The following SWAP70 variants were observed in gnomAD, a reference collection of about 807,000 sequenced individuals.
The protein encoded by SWAP70 is switch-associated protein 70.
A neutral mutation model predicts 80.2 loss-of-function variants in SWAP70; 34 were observed. That is an observed-to-expected ratio of 0.42 (90% CI 0.32 to 0.56). The LOEUF (loss-of-function observed/expected upper bound fraction) is 0.56, where lower values mean the gene tolerates loss of function less well. Ranked by LOEUF, SWAP70 falls within the 20% of genes least tolerant of loss-of-function variation. The pLI is 0.09. For synonymous variants in SWAP70, 239 were observed against 238.5 expected (o/e 1.00, Z -0.02); for missense variants, 578 against 690.7 (o/e 0.84, Z 1.83).
Position 9,711,889 on chromosome 11 carries a change from G to T in SWAP70, c.241-1577G>T, listed in dbSNP as rs372831216. ...ACTTGCACTTACACGAAGAGCCTTAGTTATACCACCCTCCAGCACCAGGTG... is the reference window on the plus strand; with the variant it reads ...ACTTGCACTTACACGAAGAGCCTTATTTATACCACCCTCCAGCACCAGGTG... On this transcript the variant is annotated intron_variant, in intron 2 of 11. Transcript: ENST00000318950. 1.4e-4 allele frequency among the ~76,000 whole-genome samples: 21 copies of T among 152,248 alleles called. No individual in the cohort carries two copies. In the East Asian group the frequency reaches 2.5e-3, roughly 18 times the overall value.
In SWAP70 at chr11:9,724,932, AT is replaced by A. The variant is rs762998995; in HGVS notation, c.642+51del. ...TTTTTTCTCATCTTTAGAATTTGAC[AT>A]TTTAAAATTAATATTTTTGTCACAA... is the stretch of plus-strand genomic sequence containing the variant. On this transcript the variant is annotated intron_variant, in intron 4 of 11. Transcript: ENST00000318950. The A allele has an allele frequency of 8.3e-5, 104 of 1,256,382 alleles. 1 individual carries two copies. The Middle Eastern group carries it at 3.4e-3, about 42-fold the overall frequency. 77.8% of individuals were successfully genotyped at this position (1,256,382 alleles called of 1,614,324 possible).
chr11:9,684,793 T>G (rs1353670220), intron 1 of SWAP70, among the ~76,000 whole-genome samples: 1 of 152,100 alleles, frequency 6.6e-6, no homozygotes, highest in African/African-American at 2.4e-5. Flanking sequence ...AAAATGAAAT[T>G]TAAAAAAAGA....
intron 2 of SWAP70, among the ~76,000 whole-genome samples, chr11:9,709,193 G>C (rs1850962361): frequency 6.6e-6 from 1 of 151,846 alleles, no homozygotes; most frequent in Admixed American, 6.6e-5. Flanking sequence ...GCACAGTCTT[G>C]CCTTCATTGC....
At chr11:9,748,371 G>A (rs537258795) in intron 10 of SWAP70, among the ~76,000 whole-genome samples, 8 of 152,338 alleles carry the variant, frequency 5.3e-5, no homozygotes, top group South Asian at 4.1e-4. Context: ...CCACTGCCTC[G>A]AAAACTGAGG....
intron 1 of SWAP70, among the ~76,000 whole-genome samples, chr11:9,688,626 C>A (rs1285130053): frequency 6.6e-6 from 1 of 152,040 alleles, no homozygotes; most frequent in Non-Finnish European, 1.5e-5. Flanking sequence ...CTTCTGTAGT[C>A]TTCTGATGAT....
intron 3 of SWAP70, 40 bp downstream of exon 3, chr11:9,713,679 G>C: frequency 6.3e-7 from 1 of 1,576,976 alleles, no homozygotes. Flanking sequence ...GGTCATTTTA[G>C]CATTTAATAG....
chr11:9,693,908 C>T (rs1457138015), intron 1 of SWAP70, among the ~76,000 whole-genome samples: 1 of 152,070 alleles, frequency 6.6e-6, no homozygotes, highest in South Asian at 2.1e-4. Flanking sequence ...TGCATGGAGC[C>T]TGGCTCATAG....
At chr11:9,712,081 C>T (rs556345799) in intron 2 of SWAP70, among the ~76,000 whole-genome samples, 3 of 152,270 alleles carry the variant, frequency 2.0e-5, no homozygotes, top group African/African-American at 7.2e-5. Context: ...GTCACTCTTT[C>T]TGCGAATCTT....
intron 1 of SWAP70, among the ~76,000 whole-genome samples, chr11:9,669,145 T>C (rs576934816): frequency 6.6e-6 from 1 of 152,288 alleles, no homozygotes; most frequent in East Asian, 1.9e-4. Context: ...TTCTCACTGG[T>C]GTGATTGCTT....
At chr11:9,734,122 G>A (rs1481621110) in intron 7 of SWAP70, among the ~76,000 whole-genome samples, 1 of 152,118 alleles carries the variant, frequency 6.6e-6, no homozygotes, top group Admixed American at 6.5e-5. Context: ...GCTTCAATGA[G>A]CATTTCCTTT....
At chr11:9,694,873 G>C (rs1435692187) in intron 2 of SWAP70, among the ~76,000 whole-genome samples, 1 of 152,210 alleles carries the variant, frequency 6.6e-6, no homozygotes, top group African/African-American at 2.4e-5. Flanking sequence ...ATGTAGATTA[G>C]TTCAACCATT....
At chr11:9,676,735 C>T (rs1850505915) in intron 1 of SWAP70, among the ~76,000 whole-genome samples, 1 of 151,244 alleles carries the variant, frequency 6.6e-6, no homozygotes, top group Non-Finnish European at 1.5e-5. Context: ...CTGCAAGCTC[C>T]GCCTCCTGGG....
intron 3 of SWAP70, among the ~76,000 whole-genome samples, chr11:9,723,771 CTTT>C (rs34551025): frequency 6.5e-4 from 81 of 124,598 alleles, no homozygotes; most frequent in African/African-American, 1.3e-3. Context: ...TCCTTCTTTA[CTTT>C]TTTTTTTTTT....
chr11:9,736,697 C>T (rs1851367911), intron 7 of SWAP70, among the ~76,000 whole-genome samples: 1 of 152,144 alleles, frequency 6.6e-6, no homozygotes, highest in African/African-American at 2.4e-5. Flanking sequence ...TCTGATCTCT[C>T]ATTTAAGCTT....
intron 6 of SWAP70, among the ~76,000 whole-genome samples, chr11:9,731,537 A>G (rs1346838900): frequency 6.6e-6 from 1 of 152,250 alleles, no homozygotes. Flanking sequence ...ATGGTTGAAT[A>G]AGTTATGGTT....
At chr11:9,728,855 C>T (rs755567564) in intron 5 of SWAP70, among the ~76,000 whole-genome samples, 1 of 152,102 alleles carries the variant, frequency 6.6e-6, no homozygotes, top group Non-Finnish European at 1.5e-5. Context: ...TTTAACTAAA[C>T]ATGGAGATCT....
At chr11:9,696,057 A>G (rs1850753640) in intron 2 of SWAP70, among the ~76,000 whole-genome samples, 1 of 152,206 alleles carries the variant, frequency 6.6e-6, no homozygotes, top group South Asian at 2.1e-4. Context: ...ATGTGTGAAT[A>G]TTAAAAGTGA....
Position 9,732,649 on chromosome 11 carries a change from A to G in SWAP70, c.1019A>G (p.Gln340Arg). 6.4e-7 allele frequency: 1 copy of G among 1,574,050 alleles called. No homozygotes were observed. The highest frequency in any genetic ancestry group is 8.6e-7 in the Non-Finnish European group (1 of 1,158,190). The change falls in exon 7 of 12, where the codon CAA becomes CGA. Residue 340 changes from glutamine to arginine, a missense_variant. Coordinates refer to ENST00000318950, the MANE Select transcript of SWAP70 (RefSeq NM_015055.4). Reference protein sequence around the residue: ...QLAEQEELERQMKELQAANES... With the variant: ...QLAEQEELERRMKELQAANES... ...GCTGAACAAGAGGAACTGGAGCGAC[A>G]AATGAAGGAACTCCAGGCCGCCAAC...
intron 1 of SWAP70, among the ~76,000 whole-genome samples, chr11:9,687,540 G>A (rs940654608): frequency 1.3e-5 from 2 of 152,030 alleles, no homozygotes; most frequent in African/African-American, 4.8e-5. Flanking sequence ...AAATTTACCA[G>A]TATTTTCTGT....
Sources: gnomAD v4.1 joint callset for allele counts (sites outside exome capture counted in the v4.1 genomes callset) on GRCh38, gnomAD v4.1.1 for gene constraint, MANE v1.5 for transcripts, NCBI Gene and HGNC (gene_info 2026-07-23, HGNC 2026-07-21) for gene names.